The following NRG1 variants were observed in gnomAD, a reference collection of about 807,000 sequenced individuals.
NRG1 encodes the protein pro-neuregulin-1, membrane-bound isoform.
In NRG1, 18 loss-of-function variants were observed where a neutral mutation model predicts 63.8. The observed-to-expected ratio is 0.28, with a 90% CI of 0.19 to 0.42. The LOEUF (loss-of-function observed/expected upper bound fraction) is 0.42, where lower values mean the gene tolerates loss of function less well. Ranked by LOEUF, NRG1 falls within the 10% of genes least tolerant of loss-of-function variation. NRG1 has a pLI of 1.00. For missense variants in NRG1, 762 were observed against 814.7 expected (o/e 0.94, Z 0.79); for synonymous variants, 302 against 301.3 (o/e 1.00, Z -0.02).
intron 1 of NRG1, among the ~76,000 whole-genome samples, chr8:32,356,476 C>A (rs1009666763): frequency 8.9e-6 from 1 of 112,568 alleles, no homozygotes; most frequent in Non-Finnish European, 1.9e-5. Flanking sequence ...TTGTTGGGAC[C>A]CCCCCCCCAC....
chr8:31,966,891 C>T, intron 1 of NRG1, among the ~76,000 whole-genome samples: 1 of 152,020 alleles, frequency 6.6e-6, no homozygotes, highest in East Asian at 1.9e-4. Flanking sequence ...CTAAAGTCAA[C>T]TTCGGTTCTG....
chr8:32,339,945 G>C (rs1423414784), intron 1 of NRG1, among the ~76,000 whole-genome samples: 2 of 151,992 alleles, frequency 1.3e-5, no homozygotes, highest in African/African-American at 4.8e-5. Context: ...CTAAAAATCT[G>C]CTTGATGAGG....
chr8:31,650,892 C>G (rs1283460816), intron 1 of NRG1, among the ~76,000 whole-genome samples: 1 of 152,136 alleles, frequency 6.6e-6, no homozygotes, highest in Non-Finnish European at 1.5e-5. Flanking sequence ...GATTGTGGGT[C>G]GCTGACTTTA....
chr8:31,649,058 A>G (rs1162532318), intron 1 of NRG1, among the ~76,000 whole-genome samples: 3 of 151,632 alleles, frequency 2.0e-5, no homozygotes, highest in East Asian at 3.9e-4. Flanking sequence ...TCCTGAGTTC[A>G]AGTGATTCTC....
At chr8:32,173,434 A>G (rs1840311210) in intron 1 of NRG1, among the ~76,000 whole-genome samples, 1 of 152,238 alleles carries the variant, frequency 6.6e-6, no homozygotes, top group African/African-American at 2.4e-5. Flanking sequence ...TGCATCCACT[A>G]ACGAGCAAAA....
chr8:32,073,321 G>A (rs573745691), intron 1 of NRG1, among the ~76,000 whole-genome samples: 1 of 152,252 alleles, frequency 6.6e-6, no homozygotes, highest in African/African-American at 2.4e-5. Flanking sequence ...GGGGAAGTTG[G>A]AACCGAGGAG....
chr8:32,319,953 T>G (rs1029783509), intron 1 of NRG1, among the ~76,000 whole-genome samples: 1 of 152,128 alleles, frequency 6.6e-6, no homozygotes, highest in Non-Finnish European at 1.5e-5. Context: ...AGTGACAAAA[T>G]ATAGTGCGTG....
At chr8:32,026,666 T>C (rs569066544) in intron 1 of NRG1, among the ~76,000 whole-genome samples, 5 of 152,304 alleles carry the variant, frequency 3.3e-5, no homozygotes, top group South Asian at 2.1e-4. Context: ...TAACACATAA[T>C]AGCTTAACTT....
chr8:32,658,514 C>G (rs1802057490), intron 5 of NRG1, among the ~76,000 whole-genome samples: 1 of 152,124 alleles, frequency 6.6e-6, no homozygotes, highest in Non-Finnish European at 1.5e-5. Context: ...ATAACCCAGA[C>G]CTACGTATGT....
intron 1 of NRG1, among the ~76,000 whole-genome samples, chr8:32,188,957 T>G (rs1842224126): frequency 1.3e-5 from 2 of 151,956 alleles, no homozygotes; most frequent in Non-Finnish European, 2.9e-5. Flanking sequence ...ACTTAAAGTA[T>G]AATAATAATA....
chr8:32,674,804 A>G (rs1287418420), intron 5 of NRG1, among the ~76,000 whole-genome samples: 1 of 152,166 alleles, frequency 6.6e-6, no homozygotes, highest in Non-Finnish European at 1.5e-5. Context: ...AGTTTTAAAG[A>G]TGGTAAAACT....
intron 1 of NRG1, among the ~76,000 whole-genome samples, chr8:31,727,138 A>G (rs1007057283): frequency 1.1e-4 from 16 of 152,194 alleles, no homozygotes; most frequent in Non-Finnish European, 2.1e-4. Flanking sequence ...AGACATAAAC[A>G]TGAAGAGATA....
At chr8:31,801,606 C>T (rs1235283402) in intron 1 of NRG1, among the ~76,000 whole-genome samples, 2 of 152,176 alleles carry the variant, frequency 1.3e-5, no homozygotes, top group Non-Finnish European at 2.9e-5. Context: ...CTTTGAGCCT[C>T]TGATTCTACT....
intron 1 of NRG1, among the ~76,000 whole-genome samples, chr8:32,470,483 C>T (rs1275679459): frequency 6.6e-6 from 1 of 152,272 alleles, no homozygotes; most frequent in Admixed American, 6.5e-5. Context: ...GGATTACAGG[C>T]GTGAGCCACC....
In NRG1 at chr8:32,093,505, A is replaced by T. The variant is rs547938271; in HGVS notation, c.37+454074A>T. On this transcript the variant is annotated intron_variant, in intron 1 of 10. Coordinates refer to the NRG1 transcript ENST00000519301. ...GCAAGTGCTTCTCCTGGCAGCAGGA[A>T]TATCCTTGTACCAAGCCAGAGCCTT... 3.3e-4 allele frequency among the ~76,000 whole-genome samples: 51 copies of T among 152,334 alleles called. No homozygotes were observed. In the South Asian group the frequency reaches 9.9e-3, roughly 30 times the overall value.
intron 1 of NRG1, among the ~76,000 whole-genome samples, chr8:32,049,899 C>T (rs1821694318): frequency 6.6e-6 from 1 of 152,104 alleles, no homozygotes; most frequent in Non-Finnish European, 1.5e-5. Context: ...TGAGTATTTA[C>T]ATCAGGCAGA....
At chr8:32,684,061 T>A (rs1809420797) in intron 5 of NRG1, among the ~76,000 whole-genome samples, 1 of 151,950 alleles carries the variant, frequency 6.6e-6, no homozygotes, top group South Asian at 2.1e-4. Flanking sequence ...GCCAGGTATA[T>A]TGGTGCACGT....
At chr8:31,838,198 A>G (rs1230641832) in intron 1 of NRG1, among the ~76,000 whole-genome samples, 2 of 152,214 alleles carry the variant, frequency 1.3e-5, no homozygotes, top group Admixed American at 1.3e-4. Flanking sequence ...ATCATTTATT[A>G]AGCAATCCAT....
chr8:32,524,682 C>A (rs916570956), intron 1 of NRG1, among the ~76,000 whole-genome samples: 2 of 152,128 alleles, frequency 1.3e-5, no homozygotes, highest in Admixed American at 6.5e-5. Context: ...ATCATGGAAA[C>A]CGAATTTCCT....
Sources: gnomAD v4.1 joint callset for allele counts (sites outside exome capture counted in the v4.1 genomes callset) on GRCh38, gnomAD v4.1.1 for gene constraint, MANE v1.5 for transcripts, NCBI Gene and HGNC (gene_info 2026-07-23, HGNC 2026-07-21) for gene names.